The following FBN1 variants were observed in gnomAD, a reference collection of about 807,000 sequenced individuals.
FBN1 encodes the protein fibrillin-1.
Under a neutral mutation model 365.1 loss-of-function variants are expected in FBN1, and 29 were observed. The ratio of observed to expected loss-of-function variants is 0.08; its 90% CI spans 0.06 to 0.11. FBN1 has a LOEUF of 0.11. Ranked by LOEUF, FBN1 falls within the 10% of genes least tolerant of loss-of-function variation. The pLI is 1.00. For synonymous variants in FBN1, 1,210 were observed against 1,270.5 expected, an observed-to-expected ratio of 0.95 and a Z score of 1.01; for missense variants, 2,476 against 3,703.2, an observed-to-expected ratio of 0.67 and a Z score of 8.60.
intron 6 of FBN1, among the ~76,000 whole-genome samples, chr15:48,544,854 GA>G (rs529291365): frequency 4.7e-5 from 7 of 150,374 alleles, no homozygotes; most frequent in East Asian, 3.9e-4. Context: ...ACTTTTACTA[GA>G]AAAAAAAAGA....
At chr15:48,645,166 C>T (rs1246170189) in intron 1 of FBN1, among the ~76,000 whole-genome samples, 2 of 152,252 alleles carry the variant, frequency 1.3e-5, no homozygotes, top group African/African-American at 4.8e-5. Flanking sequence ...CCGGGCCCCG[C>T]CAGAAGAGCG....
rs1597547090 is a variant in FBN1, at chr15:48,465,683, C to T, written c.4827G>A (p.Glu1609=). The change falls in exon 40 of 66, where the codon GAG becomes GAA. Residue 1609 remains glutamate (E), a synonymous_variant. Transcript: ENST00000316623. The part of the protein sequence containing the change: ...PITVILEDID[E]CQELPGLCQG... ...GGCACAGCCCTGGTAGCTCCTGGCA[C>T]TCATCAATATCTATCAAAATCAAAA... 1 of 1,614,090 alleles carries T rather than the reference C, an allele frequency of 6.2e-7. No homozygotes were observed. The highest frequency in any genetic ancestry group is 8.5e-7 in the Non-Finnish European group (1 of 1,179,970).
intron 6 of FBN1, among the ~76,000 whole-genome samples, chr15:48,593,192 A>T (rs2140706972): frequency 6.6e-6 from 1 of 152,302 alleles, no homozygotes; most frequent in South Asian, 2.1e-4. Context: ...TTATTGGCTT[A>T]ATGTGATACA....
chr15:48,494,144 G>A, intron 23 of FBN1, 60 bp downstream of exon 23: 6 of 1,350,340 alleles, frequency 4.4e-6, no homozygotes, highest in Non-Finnish European at 6.4e-6. Context: ...TCCAGTCCGA[G>A]TTAACACAAA....
chr15:48,508,572 T>C lies in FBN1; in HGVS notation c.1837+10A>G, dbSNP rs2043731034. ...GTGAAGAACATGATCTAGGGTTTTATAGCACGAACCTTTGCAATAACGTCC... is the reference window on the plus strand; with the variant it reads ...GTGAAGAACATGATCTAGGGTTTTACAGCACGAACCTTTGCAATAACGTCC... On this transcript the variant is annotated intron_variant, in intron 15 of 65. Transcript: ENST00000316623. 4 of 1,613,608 alleles carry C rather than the reference T, an allele frequency of 2.5e-6. No homozygotes were observed. The highest frequency in any genetic ancestry group is 1.1e-5 in the South Asian group (1 of 91,078).
rs182111100 is a variant in FBN1, at chr15:48,580,158, C to G, written c.538+16125G>C. 3.9e-5 allele frequency among the ~76,000 whole-genome samples: 6 copies of G among 152,294 alleles called. No individual in the cohort carries two copies. The East Asian group carries it at 1.2e-3, about 29-fold the overall frequency. ...AATTGCTTCTAAGCCAACAGATCCT[C>G]ATACCTACCCACACCATGGCGCTAT... On this transcript the variant is annotated intron_variant, in intron 6 of 65. Transcript: ENST00000316623.
At chr15:48,545,563 G>C (rs187852081) in intron 6 of FBN1, among the ~76,000 whole-genome samples, 1 of 152,168 alleles carries the variant, frequency 6.6e-6, no homozygotes, top group Non-Finnish European at 1.5e-5. Context: ...AGGGATTTAG[G>C]GGAGGGAGGA....
At chr15:48,443,155 T>C (rs1256833155) in intron 49 of FBN1, among the ~76,000 whole-genome samples, 2 of 152,236 alleles carry the variant, frequency 1.3e-5, no homozygotes, top group Admixed American at 6.5e-5. Context: ...GTTGCATTTA[T>C]ACCTGTGTTA....
chr15:48,596,190 A>G, intron 6 of FBN1, 93 bp downstream of exon 6: 1 of 1,109,920 alleles, frequency 9.0e-7, no homozygotes, highest in Non-Finnish European at 1.4e-6. Context: ...AGCAACATTC[A>G]GGAAGTAGCC....
Position 48,495,538 on chromosome 15 carries a change from TG to T in FBN1, c.2469del (p.Asn823LysfsTer24). 6.2e-7 allele frequency: 1 copy of T among 1,614,104 alleles called. No homozygotes were observed. The highest frequency in any genetic ancestry group is 1.7e-5 in the Admixed American group (1 of 60,022). ...SSPCINGVCK[N>X]SPGSFICECS... The stretch of plus-strand genomic sequence containing the variant: ...CATTCACAAATAAAAGAGCCTGGGC[TG>T]TTCTTGCAGACTCCATTAATGCAAG... On this transcript the variant is annotated frameshift_variant, in exon 21 of 66. Coordinates refer to ENST00000316623, the MANE Select transcript of FBN1 (RefSeq NM_000138.5). LOFTEE classifies it high-confidence loss of function.
At chr15:48,471,537 A>G (rs1043450539) in intron 35 of FBN1, among the ~76,000 whole-genome samples, 3 of 152,196 alleles carry the variant, frequency 2.0e-5, no homozygotes, top group African/African-American at 7.2e-5. Context: ...TCAAGAGCAT[A>G]ATCTGGTTTC....
intron 56 of FBN1, among the ~76,000 whole-genome samples, chr15:48,429,942 T>C (rs2043012107): frequency 6.6e-6 from 1 of 152,248 alleles, no homozygotes; most frequent in Admixed American, 6.5e-5. Flanking sequence ...GTCAGGAAAC[T>C]TTTTGTTAGG....
chr15:48,416,174 T>C (rs994706329), intron 63 of FBN1, among the ~76,000 whole-genome samples: 3 of 152,174 alleles, frequency 2.0e-5, no homozygotes, highest in African/African-American at 4.8e-5. Flanking sequence ...AAAGGAATCT[T>C]GCAGTTCTCT....
intron 45 of FBN1, among the ~76,000 whole-genome samples, chr15:48,451,886 C>T (rs555510468): frequency 9.9e-5 from 15 of 152,256 alleles, no homozygotes; most frequent in African/African-American, 2.4e-4. Context: ...ATAACTTCAC[C>T]GTACACTGAA....
At chr15:48,500,901 G>T (rs569174830) in intron 17 of FBN1, among the ~76,000 whole-genome samples, 1 of 152,250 alleles carries the variant, frequency 6.6e-6, no homozygotes, top group South Asian at 2.1e-4. Context: ...TATATTTGGA[G>T]TCTCTCCCTC....
At chr15:48,467,662 C>T (rs2043333576) in intron 38 of FBN1, among the ~76,000 whole-genome samples, 1 of 152,210 alleles carries the variant, frequency 6.6e-6, no homozygotes, top group Admixed American at 6.5e-5. Context: ...ACGTAAGCAA[C>T]ATGGTGAAAG....
chr15:48,574,428 CT>C (rs780129291), intron 6 of FBN1, among the ~76,000 whole-genome samples: 1 of 152,138 alleles, frequency 6.6e-6, no homozygotes, highest in Non-Finnish European at 1.5e-5. Flanking sequence ...AGAGATAAGG[CT>C]GAAAAGGTCT....
At chr15:48,463,596 A>C (rs1217912100) in intron 41 of FBN1, among the ~76,000 whole-genome samples, 1 of 152,226 alleles carries the variant, frequency 6.6e-6, no homozygotes, top group African/African-American at 2.4e-5. Flanking sequence ...TTAATACTGT[A>C]GGTCAGCACT....
chr15:48,527,416 A>G (rs1235290091), intron 8 of FBN1, among the ~76,000 whole-genome samples: 1 of 152,232 alleles, frequency 6.6e-6, no homozygotes, highest in East Asian at 1.9e-4. Context: ...CTCAGGGCAC[A>G]GGGAATCTGC....
Sources: allele counts gnomAD v4.1 joint callset (sites outside exome capture counted in the v4.1 genomes callset), GRCh38; gene constraint gnomAD v4.1.1; transcripts MANE v1.5; gene names NCBI Gene and HGNC (gene_info 2026-07-23, HGNC 2026-07-21).